Variants in B3GALT5 observed in about 807,000 individuals in gnomAD.
The protein encoded by B3GALT5 is beta-1,3-galactosyltransferase 5.
For synonymous variants in B3GALT5, 156 were observed against 158.6 expected (o/e 0.98, Z 0.12); for missense variants, 328 against 396.6 (o/e 0.83, Z 1.47).
chr21:39,648,747 A>G (rs1243629557), intron 2 of B3GALT5, among the ~76,000 whole-genome samples: 1 of 152,132 alleles, frequency 6.6e-6, no homozygotes, highest in Non-Finnish European at 1.5e-5. Context: ...CTCACCCCCA[A>G]AGGGATGGTG....
chr21:39,670,452 C>T lies in B3GALT5; in HGVS notation c.*8960C>T, dbSNP rs1263785934. On this transcript the variant is annotated 3_prime_UTR_variant, in exon 4 of 4. Coordinates refer to ENST00000684187, the MANE Select transcript of B3GALT5 (RefSeq NM_001356336.2). ...TGGGGTGGCAGGGTGGAGTTGAGGG[C>T]CTCACTCGTTTTCACCTTTGCACAA... 6.6e-6 allele frequency: 1 copy of T among 152,196 alleles called. No homozygotes were observed. The highest frequency in any genetic ancestry group is 2.4e-5 in the African/African-American group (1 of 41,430). 9.4% of individuals were successfully genotyped at this position (152,196 alleles called of 1,614,324 possible).
Position 39,665,872 on chromosome 21 carries a change from A to T in B3GALT5, c.*4380A>T, listed in dbSNP as rs4818066. 1 of 151,988 alleles carries T rather than the reference A, an allele frequency of 6.6e-6. No individual in the cohort carries two copies. Among genetic ancestry groups the T allele is most frequent in the Non-Finnish European group, 1.5e-5 (1 of 68,026 alleles). 9.4% of individuals were successfully genotyped at this position (151,988 alleles called of 1,614,324 possible). ...ATATTTTATGGTTTATGTTTCACGC[A>T]ACTTGAATGTAACCTTTGTGTGGGC... On this transcript the variant is annotated 3_prime_UTR_variant, in exon 4 of 4. Transcript: ENST00000684187.
In B3GALT5 at chr21:39,651,323, C is replaced by T. The variant is rs531141954; in HGVS notation, c.-161+4701C>T. On this transcript the variant is annotated intron_variant, in intron 2 of 3. Coordinates refer to ENST00000684187, the MANE Select transcript of B3GALT5 (RefSeq NM_001356336.2). ...GGCTCTGGAGGCTGGAAGTCTGAGACCAGAGTGTCACTGGGGTTGGTTCTT... is the reference window on the plus strand; with the variant it reads ...GGCTCTGGAGGCTGGAAGTCTGAGATCAGAGTGTCACTGGGGTTGGTTCTT... Among the ~76,000 whole-genome samples, 6 of 152,308 alleles carry T rather than the reference C, an allele frequency of 3.9e-5. No individual in the cohort carries two copies. The South Asian group carries it at 1.2e-3, about 32-fold the overall frequency.
chr21:39,648,546 A>G (rs898610413), intron 2 of B3GALT5, among the ~76,000 whole-genome samples: 3 of 152,180 alleles, frequency 2.0e-5, no homozygotes, highest in Non-Finnish European at 4.4e-5. Context: ...AGAGAGCAGC[A>G]CTTCCCTCTG....
Position 39,662,448 on chromosome 21 carries a change from T to C in B3GALT5, c.*956T>C, listed in dbSNP as rs1259011572. 6.0e-6 allele frequency: 1 copy of C among 167,152 alleles called. No homozygotes were observed. Among genetic ancestry groups the C allele is most frequent in the Admixed American group, 6.5e-5 (1 of 15,288 alleles). 10.4% of individuals were successfully genotyped at this position (167,152 alleles called of 1,614,324 possible). A position where few individuals can be genotyped will look rare whatever the true frequency, so the allele number is the denominator to read the frequency against. ...GAACTCAGATGGGGTTCATGTGGGA[T>C]TCTGGGAGCTTTCTGGGAATTCAGT... On this transcript the variant is annotated 3_prime_UTR_variant, in exon 4 of 4. Coordinates refer to ENST00000684187, the MANE Select transcript of B3GALT5 (RefSeq NM_001356336.2).
intron 2 of B3GALT5, among the ~76,000 whole-genome samples, chr21:39,647,247 G>C (rs1203822767): frequency 6.6e-6 from 1 of 152,140 alleles, no homozygotes; most frequent in East Asian, 1.9e-4. Context: ...CCTTGAGGAC[G>C]GCCAAACTTG....
intron 2 of B3GALT5, among the ~76,000 whole-genome samples, chr21:39,651,518 C>G (rs1387850356): frequency 6.6e-6 from 1 of 152,208 alleles, no homozygotes; most frequent in Non-Finnish European, 1.5e-5. Flanking sequence ...TGGAGAAATA[C>G]CCATCATATG....
intron 1 of B3GALT5, among the ~76,000 whole-genome samples, chr21:39,635,732 G>A (rs894937387): frequency 3.3e-5 from 5 of 151,962 alleles, no homozygotes; most frequent in Non-Finnish European, 5.9e-5. Flanking sequence ...CACCCACCTC[G>A]GCCTCCCAAA....
At chr21:39,628,874 CT>C (rs1476795936) in intron 1 of B3GALT5, among the ~76,000 whole-genome samples, 2 of 152,218 alleles carry the variant, frequency 1.3e-5, no homozygotes, top group Non-Finnish European at 2.9e-5. Context: ...TCTCATTTTA[CT>C]TTTCCATTCT....
intron 1 of B3GALT5, among the ~76,000 whole-genome samples, chr21:39,614,134 G>C (rs1415438140): frequency 6.6e-6 from 1 of 152,152 alleles, no homozygotes; most frequent in Non-Finnish European, 1.5e-5. Context: ...CTAGGTAAAT[G>C]CATGCTGATT....
At position 39,661,282 on chromosome 21, in the gene B3GALT5, G is replaced by A. The variant is rs765845812; in HGVS notation, c.723G>A (p.Leu241=). ...NVSKSVPYIK[L]EDVFVGLCLE... ...CCAAGAGCGTCCCATACATTAAACT[G>A]GAAGACGTGTTTGTGGGGCTCTGCC... The change falls in exon 4 of 4, where the codon CTG becomes CTA. Residue 241 remains leucine (L), a synonymous_variant. Transcript: ENST00000684187. This position sits in a 1 kb window ranked among gnomAD's most constrained non-coding sequence, Gnocchi z 4.7. 10 of 1,614,158 alleles carry A rather than the reference G, an allele frequency of 6.2e-6. No homozygotes were observed. The highest frequency in any genetic ancestry group is 7.6e-6 in the Non-Finnish European group (9 of 1,180,052).
In B3GALT5 at chr21:39,668,013, T is replaced by C. The variant is rs2079593617; in HGVS notation, c.*6521T>C. ...AATTAAGATAATTCACATTGAGTTC[T>C]TGGCACGGCTGTGCCTAGCACTGGG... On this transcript the variant is annotated 3_prime_UTR_variant, in exon 4 of 4. Transcript: ENST00000684187. 1 of 152,298 alleles carries C rather than the reference T, an allele frequency of 6.6e-6. No homozygotes were observed. The allele number at this position is 152,298 out of a possible 1,614,324, so 9.4% of individuals were successfully genotyped here.
Position 39,672,036 on chromosome 21 carries a change from A to G in B3GALT5, c.*10544A>G, listed in dbSNP as rs907428384. 5 of 152,272 alleles carry G rather than the reference A, an allele frequency of 3.3e-5. No homozygotes were observed. The highest frequency in any genetic ancestry group is 1.2e-4 in the African/African-American group (5 of 41,476). 9.4% of individuals were successfully genotyped at this position (152,272 alleles called of 1,614,324 possible). ...ACTTATCAGACACAATCACTTTTAA[A>G]TATGAGCAGAAAAACGAACTCCATA... On this transcript the variant is annotated 3_prime_UTR_variant, in exon 4 of 4. Transcript: ENST00000684187.
Position 39,661,272 on chromosome 21 carries a change from A to G in B3GALT5, c.713A>G (p.Tyr238Cys), listed in dbSNP as rs1160842123. 9 of 1,614,054 alleles carry G rather than the reference A, an allele frequency of 5.6e-6. No individual in the cohort carries two copies. The highest frequency in any genetic ancestry group is 1.7e-6 in the Non-Finnish European group (2 of 1,180,058). The change falls in exon 4 of 4, where the codon TAC becomes TGC. Residue 238 changes from tyrosine (Y) to cysteine (C), a missense_variant. Transcript: ENST00000684187. The surrounding 1 kb of genome is among the most constrained non-coding windows in gnomAD (Gnocchi z 4.7). The part of the protein sequence containing the change: ...QVYNVSKSVP[Y>C]IKLEDVFVGL... Reference sequence around the variant, plus strand: ...TACAATGTCTCCAAGAGCGTCCCATACATTAAACTGGAAGACGTGTTTGTG... The same window carrying G: ...TACAATGTCTCCAAGAGCGTCCCATGCATTAAACTGGAAGACGTGTTTGTG...
intron 1 of B3GALT5, among the ~76,000 whole-genome samples, chr21:39,623,083 C>T (rs2079142374): frequency 7.0e-6 from 1 of 142,030 alleles, no homozygotes; most frequent in African/African-American, 2.8e-5. Context: ...TCCCTCCCTC[C>T]CTCCATCCTT....
intron 2 of B3GALT5, among the ~76,000 whole-genome samples, chr21:39,655,583 G>A (rs995341153): frequency 3.3e-5 from 5 of 152,156 alleles, no homozygotes; most frequent in Non-Finnish European, 5.9e-5. Context: ...TTGAGGCCAG[G>A]GGTAGGTCCA....
In B3GALT5 at chr21:39,666,719, A is replaced by G. The variant is rs987375; in HGVS notation, c.*5227A>G. On this transcript the variant is annotated 3_prime_UTR_variant, in exon 4 of 4. Coordinates refer to ENST00000684187, the MANE Select transcript of B3GALT5 (RefSeq NM_001356336.2). ...CAAAACAAAACCCTAAATGTATTTA[A>G]TTCCTGCTCCTCTTCAAACACACCA... is the stretch of plus-strand genomic sequence containing the variant. 7.0e-4 allele frequency: 106 copies of G among 152,438 alleles called. No homozygotes were observed. Among genetic ancestry groups the G allele is most frequent in the Non-Finnish European group, 1.2e-3 (79 of 68,096 alleles). The allele number at this position is 152,438 out of a possible 1,614,324, so 9.4% of individuals were successfully genotyped here. A position where few individuals can be genotyped will look rare whatever the true frequency, so the allele number is the denominator to read the frequency against.
At chr21:39,640,857 A>T (rs1218055530) in intron 1 of B3GALT5, among the ~76,000 whole-genome samples, 1 of 152,084 alleles carries the variant, frequency 6.6e-6, no homozygotes, top group Non-Finnish European at 1.5e-5. Context: ...CTCCTGCCTC[A>T]GCCCCCTGAG....
intron 1 of B3GALT5, among the ~76,000 whole-genome samples, chr21:39,641,309 A>C (rs2079288132): frequency 1.3e-5 from 2 of 152,252 alleles, no homozygotes; most frequent in Non-Finnish European, 2.9e-5. Context: ...TTCCACAGTT[A>C]AACTGGTTTT....
Sources: gnomAD v4.1 joint callset for allele counts (sites outside exome capture counted in the v4.1 genomes callset) on GRCh38, gnomAD v4.1.1 for gene constraint, Gnocchi (gnomAD v3.1) non-coding constraint, MANE v1.5 for transcripts, NCBI Gene and HGNC (gene_info 2026-07-23, HGNC 2026-07-21) for gene names.